OPCML: variants seen among roughly 807,000 people sequenced by gnomAD.
OPCML encodes the protein opioid-binding protein/cell adhesion molecule.
In OPCML, 13 loss-of-function variants were observed where a neutral mutation model predicts 37.8. The ratio of observed to expected loss-of-function variants is 0.34; its 90% CI spans 0.22 to 0.55. The LOEUF is 0.55. Among genes scored for constraint, OPCML ranks in the 20% least tolerant of loss-of-function variants. The probability of loss-of-function intolerance (pLI) is 0.91; values close to 1 mark genes in which losing one functional copy is unlikely to be tolerated. For missense variants in OPCML, 341 were observed against 435.6 expected, an observed-to-expected ratio of 0.78 and a Z score of 1.93; for synonymous variants, 176 against 168.8, an observed-to-expected ratio of 1.04 and a Z score of -0.33.
chr11:133,458,991 T>C (rs1946795494), intron 1 of OPCML, among the ~76,000 whole-genome samples: 1 of 151,944 alleles, frequency 6.6e-6, no homozygotes, highest in South Asian at 2.1e-4. Context: ...TGTTATGTAC[T>C]AGGTAAAAGC....
At chr11:133,419,124 T>C (rs2136888697) in intron 1 of OPCML, 1 of 453,804 alleles carries the variant, frequency 2.2e-6, no homozygotes, top group Non-Finnish European at 2.9e-6. Flanking sequence ...CTACCTGCCA[T>C]GTGGCTAGAC....
chr11:132,933,705 A>C (rs1050296498), intron 2 of OPCML, among the ~76,000 whole-genome samples: 1 of 152,216 alleles, frequency 6.6e-6, no homozygotes, highest in Non-Finnish European at 1.5e-5. Flanking sequence ...TCTGTTGGAC[A>C]CTGAGAATGC....
At chr11:132,843,961 G>T (rs1941409909) in intron 2 of OPCML, among the ~76,000 whole-genome samples, 1 of 149,974 alleles carries the variant, frequency 6.7e-6, no homozygotes, top group South Asian at 2.1e-4. Flanking sequence ...CATGTGTTGT[G>T]GGAGGGACCT....
At chr11:132,941,504 A>G (rs1002251654) in intron 2 of OPCML, among the ~76,000 whole-genome samples, 1 of 152,200 alleles carries the variant, frequency 6.6e-6, no homozygotes, top group East Asian at 1.9e-4. Context: ...TATATCTTTA[A>G]GCCAACTAGC....
intron 1 of OPCML, among the ~76,000 whole-genome samples, chr11:133,128,154 ACTG>A (rs1221662480): frequency 2.0e-5 from 3 of 152,092 alleles, no homozygotes; most frequent in Admixed American, 6.5e-5. Flanking sequence ...CCTCACAGTG[ACTG>A]CTGAGAGTGG....
intron 6 of OPCML, 139 bp from the exon 7 acceptor site, chr11:132,436,376 G>T (rs2096013129): frequency 3.2e-6 from 5 of 1,552,412 alleles, no homozygotes; most frequent in Non-Finnish European, 4.3e-6. Flanking sequence ...GAAGGGAAAT[G>T]ATGCTCTTGC....
chr11:132,580,192 G>A (rs2096459445), intron 3 of OPCML, among the ~76,000 whole-genome samples: 1 of 152,146 alleles, frequency 6.6e-6, no homozygotes, highest in Non-Finnish European at 1.5e-5. Flanking sequence ...GCAGCTTGGA[G>A]CACATTTCTG....
At chr11:132,751,291 G>T (rs983560517) in intron 2 of OPCML, among the ~76,000 whole-genome samples, 2 of 152,122 alleles carry the variant, frequency 1.3e-5, no homozygotes, top group African/African-American at 4.8e-5. Flanking sequence ...GCGGTGGTGA[G>T]ACTCTGCTCC....
intron 1 of OPCML, among the ~76,000 whole-genome samples, chr11:133,307,655 A>G (rs1942959954): frequency 6.6e-6 from 1 of 152,178 alleles, no homozygotes; most frequent in Admixed American, 6.5e-5. Context: ...CAAGAGCAAC[A>G]GCAGCAACTT....
intron 1 of OPCML, among the ~76,000 whole-genome samples, chr11:133,147,198 C>G (rs1050462970): frequency 6.6e-6 from 1 of 152,024 alleles, no homozygotes; most frequent in East Asian, 1.9e-4. Flanking sequence ...GGCAGTGCCA[C>G]TTTCTACACG....
At chr11:133,483,145 TA>T (rs1947414588) in intron 1 of OPCML, among the ~76,000 whole-genome samples, 1 of 151,946 alleles carries the variant, frequency 6.6e-6, no homozygotes, top group African/African-American at 2.4e-5. Context: ...TACAAATATA[TA>T]AAAAGAAAAT....
At chr11:133,188,440 G>A (rs67585544) in intron 1 of OPCML, among the ~76,000 whole-genome samples, 15,658 of 152,052 alleles carry the variant, frequency 0.1, 916 homozygotes, top group African/African-American at 0.14. Context: ...CAACTCCATC[G>A]CGATCCACAT....
chr11:132,496,939 T>C (rs1288443164), intron 4 of OPCML, among the ~76,000 whole-genome samples: 1 of 152,176 alleles, frequency 6.6e-6, no homozygotes, highest in Non-Finnish European at 1.5e-5. Flanking sequence ...AGGTACCTTA[T>C]ATGCACTGCT....
At chr11:133,059,378 A>G (rs1948298806) in intron 1 of OPCML, among the ~76,000 whole-genome samples, 1 of 152,204 alleles carries the variant, frequency 6.6e-6, no homozygotes, top group South Asian at 2.1e-4. Flanking sequence ...TCAGGATAAC[A>G]TTAGGACATT....
chr11:133,531,618 A>C (rs1948605571), intron 1 of OPCML, among the ~76,000 whole-genome samples: 1 of 152,018 alleles, frequency 6.6e-6, no homozygotes, highest in South Asian at 2.1e-4. Flanking sequence ...TACAACAAGA[A>C]ATGCAGGAGC....
At chr11:132,653,229 A>G (rs1402504348) in intron 3 of OPCML, among the ~76,000 whole-genome samples, 1 of 152,162 alleles carries the variant, frequency 6.6e-6, no homozygotes, top group Non-Finnish European at 1.5e-5. Context: ...TCTGGGTGAT[A>G]TCATTTTAAT....
intron 1 of OPCML, among the ~76,000 whole-genome samples, chr11:133,502,416 G>A (rs1030961061): frequency 2.0e-5 from 3 of 152,178 alleles, no homozygotes; most frequent in Admixed American, 6.5e-5. Flanking sequence ...CGTCCAAACC[G>A]GCTGACAAGC....
chr11:133,318,580 C>A (rs537248715), intron 1 of OPCML, among the ~76,000 whole-genome samples: 14 of 152,220 alleles, frequency 9.2e-5, no homozygotes, highest in Non-Finnish European at 2.1e-4. Flanking sequence ...CTACCCTAGA[C>A]CTTTTTCCCT....
chr11:133,204,884 A>ATATGTGTGTG (rs374646818), intron 1 of OPCML, among the ~76,000 whole-genome samples: 4 of 36,268 alleles, frequency 1.1e-4, no homozygotes, highest in African/African-American at 3.4e-4. Flanking sequence ...ATATATATAT[A>ATATGTGTGTG]TATATATATA....
Sources: allele counts gnomAD v4.1 joint callset (sites outside exome capture counted in the v4.1 genomes callset), GRCh38; gene constraint gnomAD v4.1.1; transcripts MANE v1.5; gene names NCBI Gene and HGNC (gene_info 2026-07-23, HGNC 2026-07-21).